PLVAP: variants seen among roughly 807,000 people sequenced by gnomAD.
PLVAP encodes plasmalemma vesicle associated protein, also known as plasmalemma vesicle-associated protein.
A neutral mutation model predicts 43.1 loss-of-function variants in PLVAP; 34 were observed. That is an observed-to-expected ratio of 0.79 (90% CI 0.60 to 1.05). The LOEUF is 1.05. Ranked by LOEUF, PLVAP falls within the 50% of genes least tolerant of loss-of-function variation. The pLI, the probability that PLVAP is intolerant of heterozygous loss-of-function variation, is 0.00. For synonymous variants in PLVAP, 241 were observed against 237.3 expected, an observed-to-expected ratio of 1.02 and a Z score of -0.14; for missense variants, 574 against 593.4, an observed-to-expected ratio of 0.97 and a Z score of 0.34.
chr19:17,367,795 G>A (rs942456345), intron 1 of PLVAP, among the ~76,000 whole-genome samples: 3 of 152,148 alleles, frequency 2.0e-5, no homozygotes, highest in Non-Finnish European at 2.9e-5. Flanking sequence ...GCACCACCAT[G>A]CCTGGCTATG....
chr19:17,357,643 G>A (rs945602199), intron 5 of PLVAP, among the ~76,000 whole-genome samples: 2 of 152,094 alleles, frequency 1.3e-5, no homozygotes, highest in African/African-American at 4.8e-5. Flanking sequence ...CAGCCTGGGT[G>A]ACAGAGCAAG....
Position 17,365,385 on chromosome 19 carries a change from G to A in PLVAP, c.1080C>T (p.Asn360=). The change falls in exon 3 of 6, where the codon AAC becomes AAT. Residue 360 remains asparagine, a synonymous_variant. Transcript: ENST00000252590. ...EKAVLRKERD[N]LAKELEEKKR... is the part of the protein sequence containing the mutation. Reference sequence around the variant, plus strand: ...TCTTCTCTTCCAGCTCCTTGGCCAGGTTGTCTCGTTCCTTCCGCAGCACCG... The same window carrying A: ...TCTTCTCTTCCAGCTCCTTGGCCAGATTGTCTCGTTCCTTCCGCAGCACCG... 3 of 1,613,172 alleles carry A rather than the reference G, an allele frequency of 1.9e-6. No individual in the cohort carries two copies. Among genetic ancestry groups the A allele is most frequent in the Non-Finnish European group, 2.5e-6 (3 of 1,179,964 alleles).
Position 17,377,159 on chromosome 19 carries a change from C to A in PLVAP, c.130G>T (p.Val44Leu). The A allele has an allele frequency of 6.2e-7, 1 of 1,614,004 alleles. No homozygotes were observed. The highest frequency in any genetic ancestry group is 8.5e-7 in the Non-Finnish European group (1 of 1,180,020). Reference sequence around the variant, plus strand: ...ACGTTGCCATAGACCATGAAGAGCACGAGCCCCAGGATGATGAGGAATTGG... The same window carrying A: ...ACGTTGCCATAGACCATGAAGAGCAAGAGCCCCAGGATGATGAGGAATTGG... ...LIQFLIILGL[V>L]LFMVYGNVHV... The change falls in exon 1 of 6, where the codon GTG becomes TTG. Residue 44 changes from valine to leucine, a missense_variant. Coordinates refer to ENST00000252590, the MANE Select transcript of PLVAP (RefSeq NM_031310.3).
intron 1 of PLVAP, among the ~76,000 whole-genome samples, chr19:17,370,736 A>C (rs1455545978): frequency 2.6e-5 from 4 of 152,128 alleles, no homozygotes; most frequent in South Asian, 2.1e-4. Context: ...GTGGTGATCA[A>C]TGTACAACTC....
At chr19:17,375,957 G>A (rs1205313125) in intron 1 of PLVAP, among the ~76,000 whole-genome samples, 2 of 151,090 alleles carry the variant, frequency 1.3e-5, no homozygotes, top group African/African-American at 4.9e-5. Flanking sequence ...CAGGAGGGAG[G>A]ATTGTTTGAG....
intron 5 of PLVAP, among the ~76,000 whole-genome samples, chr19:17,359,277 ATTTT>A (rs753495089): frequency 8.5e-6 from 1 of 118,042 alleles, no homozygotes. Context: ...TAATTTTTGT[ATTTT>A]TTTTTTTTTT....
chr19:17,377,294 C>T lies in PLVAP; in HGVS notation c.-6G>A, dbSNP rs778839355. The T allele has an allele frequency of 1.9e-5, 30 of 1,602,278 alleles. No homozygotes were observed. Among genetic ancestry groups the T allele is most frequent in the South Asian group, 3.4e-5 (3 of 89,212 alleles). Reference sequence around the variant, plus strand: ...TGCTCCATGGCCAGACCCATTTGCTCGATCCCGCCGTCCGGTGCACCGTCC... The same window carrying T: ...TGCTCCATGGCCAGACCCATTTGCTTGATCCCGCCGTCCGGTGCACCGTCC... On this transcript the variant is annotated 5_prime_UTR_variant, in exon 1 of 6. Transcript: ENST00000252590.
At chr19:17,372,838 G>A (rs553057050) in intron 1 of PLVAP, among the ~76,000 whole-genome samples, 25 of 150,424 alleles carry the variant, frequency 1.7e-4, no homozygotes, top group Non-Finnish European at 3.1e-4. Context: ...CAAGGCGGGC[G>A]GATCACGAGG....
intron 5 of PLVAP, among the ~76,000 whole-genome samples, chr19:17,356,852 G>A (rs529009859): frequency 2.0e-5 from 3 of 152,022 alleles, no homozygotes; most frequent in Admixed American, 6.6e-5. Context: ...CCAGCTGCTT[G>A]GGAGGCTGAG....
intron 1 of PLVAP, among the ~76,000 whole-genome samples, chr19:17,372,789 G>A (rs928866735): frequency 4.0e-5 from 6 of 150,602 alleles, no homozygotes; most frequent in Non-Finnish European, 4.4e-5. Flanking sequence ...GACAGGCCAG[G>A]TGCAGTGGCT....
intron 3 of PLVAP, among the ~76,000 whole-genome samples, chr19:17,364,110 G>C (rs2074539164): frequency 6.6e-6 from 1 of 151,070 alleles, no homozygotes; most frequent in African/African-American, 2.4e-5. Flanking sequence ...GTTTGAGATG[G>C]AGTCTCGCTC....
At chr19:17,370,019 A>G (rs886311853) in intron 1 of PLVAP, among the ~76,000 whole-genome samples, 47 of 151,262 alleles carry the variant, frequency 3.1e-4, no homozygotes, top group African/African-American at 1.0e-3. Flanking sequence ...AAAAAAAAAA[A>G]AAAAAAAGAA....
At position 17,363,378 on chromosome 19, in the gene PLVAP, G is replaced by A. The variant is rs138898828; in HGVS notation, c.1179+1908C>T. On this transcript the variant is annotated intron_variant, in intron 3 of 5. Transcript: ENST00000252590. ...AACAGGGTTTCACCATGTTGGCCAGGCTGGTCTCGAACTCCTGACCTCAGG... is the reference window on the plus strand; with the variant it reads ...AACAGGGTTTCACCATGTTGGCCAGACTGGTCTCGAACTCCTGACCTCAGG... Among the ~76,000 whole-genome samples, 101 of 152,234 alleles carry A rather than the reference G, an allele frequency of 6.6e-4. 3 individuals are homozygous for A. In the East Asian group the frequency reaches 0.017, roughly 26 times the overall value.
Position 17,363,741 on chromosome 19 carries a change from ATTT to A in PLVAP, c.1179+1542_1179+1544del, listed in dbSNP as rs35934458. 2.9e-3 allele frequency among the ~76,000 whole-genome samples: 350 copies of A among 120,898 alleles called. 2 individuals are homozygous for A. The highest frequency in any genetic ancestry group is 9.7e-3 in the African/African-American group (313 of 32,212). The allele number at this position is 120,898 out of a possible 152,430, so 79.3% of individuals were successfully genotyped here. ...AGGTGTGTGCCACCACACCCGGCTA[ATTT>A]TTTTTTTTTTTTTTTTGAGAGAGAA... On this transcript the variant is annotated intron_variant, in intron 3 of 5. Transcript: ENST00000252590.
chr19:17,361,567 C>A (rs1032795662), intron 3 of PLVAP, among the ~76,000 whole-genome samples: 1 of 152,188 alleles, frequency 6.6e-6, no homozygotes. Context: ...AATGCCACCC[C>A]TGGAATATCC....
chr19:17,366,202 G>T lies in PLVAP; in HGVS notation c.370-7C>A. ...GATTGTTCGTGTAGATGACCTGCCC[G>T]GAAGATAGGGGAAGGACGCAGGACA... is the stretch of plus-strand genomic sequence containing the variant. On this transcript the variant is annotated splice_region_variant and splice_polypyrimidine_tract_variant and intron_variant, in intron 1 of 5. Transcript: ENST00000252590. The T allele has an allele frequency of 6.2e-7, 1 of 1,613,482 alleles. No homozygotes were observed. Among genetic ancestry groups the T allele is most frequent in the Non-Finnish European group, 8.5e-7 (1 of 1,179,598 alleles).
chr19:17,374,387 C>T (rs868323728), intron 1 of PLVAP, among the ~76,000 whole-genome samples: 64 of 151,980 alleles, frequency 4.2e-4, no homozygotes, highest in African/African-American at 1.3e-3. Context: ...ATGGTATGAA[C>T]GCAGAAGGTG....
chr19:17,376,949 C>T lies in PLVAP; in HGVS notation c.340G>A (p.Ala114Thr). 6.2e-7 allele frequency: 1 copy of T among 1,613,922 alleles called. No homozygotes were observed. Among genetic ancestry groups the T allele is most frequent in the Non-Finnish European group, 8.5e-7 (1 of 1,179,946 alleles). Residue 114 changes from alanine (A) to threonine (T), a missense_variant, in exon 1 of 6, where the codon GCC becomes ACC. By Grantham distance (58) the Ala-to-Thr change is moderately conservative. Transcript: ENST00000252590. ...NARRDLDRIN[A>T]SFRQCQGDRV... Reference sequence around the variant, plus strand: ...TCACCCTGGCACTGGCGGAAGCTGGCATTGATGCGGTCCAGGTCGCGGCGA... The same window carrying T: ...TCACCCTGGCACTGGCGGAAGCTGGTATTGATGCGGTCCAGGTCGCGGCGA...
chr19:17,365,686 G>T lies in PLVAP; in HGVS notation c.779C>A (p.Pro260His), dbSNP rs2074546678. The change falls in exon 3 of 6, where the codon CCC becomes CAC. Residue 260 changes from proline to histidine, a missense_variant. By Grantham distance (77) the Pro-to-His change is moderately conservative (BLOSUM62 -2). Coordinates refer to ENST00000252590, the MANE Select transcript of PLVAP (RefSeq NM_031310.3). ...GATGGAGGCCAATTCCGAGCCCAGGGGATGGTAGAGGTTGTAACCCAGGTT... is the reference window on the plus strand; with the variant it reads ...GATGGAGGCCAATTCCGAGCCCAGGTGATGGTAGAGGTTGTAACCCAGGTT... Reference protein sequence around the residue: ...LDNLGYNLYHPLGSELASIRR... With the variant: ...LDNLGYNLYHHLGSELASIRR... The T allele has an allele frequency of 2.4e-5, 38 of 1,613,732 alleles. No homozygotes were observed. The highest frequency in any genetic ancestry group is 3.3e-5 in the Admixed American group (2 of 60,014).
Sources: allele counts gnomAD v4.1 joint callset (sites outside exome capture counted in the v4.1 genomes callset), GRCh38; gene constraint gnomAD v4.1.1; transcripts MANE v1.5; gene names NCBI Gene and HGNC (gene_info 2026-07-23, HGNC 2026-07-21).